The following CNTN4 variants were observed in gnomAD, a reference collection of about 807,000 sequenced individuals.
The protein encoded by CNTN4 is contactin 4.
In CNTN4, 77 loss-of-function variants were observed where a neutral mutation model predicts 122.5. The ratio of observed to expected loss-of-function variants is 0.63; its 90% CI spans 0.52 to 0.76. CNTN4 has a LOEUF of 0.76. Among genes scored for constraint, CNTN4 ranks in the 30% least tolerant of loss-of-function variants. The pLI is 0.00. For synonymous variants in CNTN4, 512 were observed against 447.0 expected, an observed-to-expected ratio of 1.15 and a Z score of -1.83; for missense variants, 1,256 against 1,259.1, an observed-to-expected ratio of 1.00 and a Z score of 0.04.
chr3:2,632,102 A>ATG (rs1270560426), intron 4 of CNTN4, among the ~76,000 whole-genome samples: 1 of 142,578 alleles, frequency 7.0e-6, no homozygotes, highest in Non-Finnish European at 1.6e-5. Flanking sequence ...GTATGTATGT[A>ATG]TGTATATATA....
intron 2 of CNTN4, among the ~76,000 whole-genome samples, chr3:2,112,966 A>G (rs1354271148): frequency 1.3e-5 from 2 of 152,144 alleles, no homozygotes; most frequent in African/African-American, 4.8e-5. Context: ...ACCCTCTACT[A>G]TAGTTTCTAA....
At chr3:2,903,097 GA>G in intron 12 of CNTN4, 92 bp downstream of exon 12, 1 of 1,317,920 alleles carries the variant, frequency 7.6e-7, no homozygotes. Flanking sequence ...TTCAATCCAA[GA>G]AAAGGAGTAA....
intron 7 of CNTN4, among the ~76,000 whole-genome samples, chr3:2,834,850 G>A (rs1267806449): frequency 1.4e-5 from 2 of 141,932 alleles, no homozygotes; most frequent in Non-Finnish European, 3.0e-5. Context: ...ATTAGTTTTA[G>A]ACCAAGCATT....
intron 3 of CNTN4, among the ~76,000 whole-genome samples, chr3:2,426,756 T>C (rs1383622225): frequency 1.3e-5 from 2 of 152,210 alleles, no homozygotes; most frequent in Non-Finnish European, 2.9e-5. Flanking sequence ...GTGGCTGTTA[T>C]TGGTCTATTC....
chr3:2,840,665 C>T (rs1477426679), intron 7 of CNTN4, among the ~76,000 whole-genome samples: 2 of 148,670 alleles, frequency 1.3e-5, no homozygotes, highest in Non-Finnish European at 3.0e-5. Flanking sequence ...CACCACTGCA[C>T]TCCAGCCTGG....
intron 4 of CNTN4, among the ~76,000 whole-genome samples, chr3:2,612,888 A>T (rs749055094): frequency 3.9e-5 from 6 of 152,140 alleles, no homozygotes; most frequent in Non-Finnish European, 7.4e-5. Flanking sequence ...TCACCCCAAG[A>T]GTGTTAGCCT....
chr3:2,191,172 G>A (rs761842078), intron 2 of CNTN4, among the ~76,000 whole-genome samples: 14 of 151,862 alleles, frequency 9.2e-5, no homozygotes, highest in African/African-American at 2.7e-4. Flanking sequence ...GGGCTCAAGC[G>A]ATCCTCCTGC....
At chr3:2,430,035 G>C (rs547756764) in intron 3 of CNTN4, among the ~76,000 whole-genome samples, 5 of 152,070 alleles carry the variant, frequency 3.3e-5, no homozygotes. Flanking sequence ...GTGATGCCTC[G>C]CTCTGCTTCA....
chr3:2,687,909 G>T (rs1463307467), intron 4 of CNTN4, among the ~76,000 whole-genome samples: 3 of 152,136 alleles, frequency 2.0e-5, no homozygotes, highest in Non-Finnish European at 2.9e-5. Flanking sequence ...GCCTTGTTCA[G>T]AGTTGACAAT....
chr3:2,621,336 A>T (rs1213145986), intron 4 of CNTN4, among the ~76,000 whole-genome samples: 1 of 152,182 alleles, frequency 6.6e-6, no homozygotes, highest in African/African-American at 2.4e-5. Context: ...GTTCTACTTC[A>T]TCTGAGTAAT....
intron 3 of CNTN4, among the ~76,000 whole-genome samples, chr3:2,455,963 C>A (rs973709903): frequency 1.3e-5 from 2 of 152,008 alleles, no homozygotes; most frequent in Non-Finnish European, 1.5e-5. Flanking sequence ...TGAATTTGTT[C>A]CTAGTAAGCA....
intron 3 of CNTN4, among the ~76,000 whole-genome samples, chr3:2,383,075 C>CAA (rs1164660732): frequency 9.1e-5 from 11 of 121,106 alleles, no homozygotes; most frequent in African/African-American, 1.9e-4. Context: ...AAATCCATCT[C>CAA]AAAAAAAAAA....
At chr3:2,383,181 T>G (rs1050887665) in intron 3 of CNTN4, among the ~76,000 whole-genome samples, 3 of 152,140 alleles carry the variant, frequency 2.0e-5, no homozygotes, top group Non-Finnish European at 2.9e-5. Context: ...ATGTAGTATT[T>G]CCCAGACTTA....
chr3:2,463,323 C>T (rs546010223), intron 3 of CNTN4, among the ~76,000 whole-genome samples: 2 of 152,230 alleles, frequency 1.3e-5, no homozygotes, highest in South Asian at 4.2e-4. Context: ...CTTTGTGTCC[C>T]AGGCTGAAAT....
chr3:2,790,395 C>A (rs927725619), intron 6 of CNTN4, among the ~76,000 whole-genome samples: 5 of 152,174 alleles, frequency 3.3e-5, no homozygotes, highest in African/African-American at 1.2e-4. Flanking sequence ...CCATCTAGGA[C>A]AGATGCTTGC....
chr3:2,747,340 C>G (rs10865815), intron 6 of CNTN4, among the ~76,000 whole-genome samples: 1 of 149,800 alleles, frequency 6.7e-6, no homozygotes, highest in Non-Finnish European at 1.5e-5. Context: ...ACCCGGGAGG[C>G]GGAGCTTGCA....
intron 4 of CNTN4, among the ~76,000 whole-genome samples, chr3:2,660,454 C>T (rs1400135366): frequency 1.3e-5 from 2 of 152,164 alleles, no homozygotes; most frequent in African/African-American, 4.8e-5. Flanking sequence ...AATAAATTTT[C>T]TCTGCTTTTT....
At chr3:2,529,680 T>A (rs1397601513) in intron 3 of CNTN4, among the ~76,000 whole-genome samples, 1 of 148,778 alleles carries the variant, frequency 6.7e-6, no homozygotes, top group Non-Finnish European at 1.5e-5. Context: ...GGTAGGTTGA[T>A]CTTTGCATAG....
intron 3 of CNTN4, among the ~76,000 whole-genome samples, chr3:2,433,734 T>C (rs2048160036): frequency 1.3e-5 from 2 of 152,212 alleles, no homozygotes; most frequent in South Asian, 4.1e-4. Flanking sequence ...TGTTTTCTTC[T>C]AGTAGTTTTG....
Sources: gnomAD v4.1 joint callset for allele counts (sites outside exome capture counted in the v4.1 genomes callset) on GRCh38, gnomAD v4.1.1 for gene constraint, MANE v1.5 for transcripts, NCBI Gene and HGNC (gene_info 2026-07-23, HGNC 2026-07-21) for gene names.